The following SAMD12 variants were observed in gnomAD, a reference collection of about 807,000 sequenced individuals.
SAMD12 encodes the protein sterile alpha motif domain containing 12, also known as sterile alpha motif domain-containing protein 12.
A neutral mutation model predicts 15.0 loss-of-function variants in SAMD12; 9 were observed. The observed-to-expected ratio is 0.60, with a 90% CI of 0.36 to 1.05. The LOEUF is 1.05. SAMD12 is among the 50% of genes least tolerant of loss of function. The pLI, the probability that SAMD12 is intolerant of heterozygous loss-of-function variation, is 0.01. For missense variants in SAMD12, 230 were observed against 234.2 expected (o/e 0.98, Z 0.12); for synonymous variants, 86 against 90.1 (o/e 0.96, Z 0.25).
the SAMD12 span, among the ~76,000 whole-genome samples, chr8:118,151,179 T>C: frequency 6.6e-6 from 1 of 152,172 alleles, no homozygotes; most frequent in Non-Finnish European, 1.5e-5. Flanking sequence ...TATGAGTCTT[T>C]TTTTTCTCTA....
the SAMD12 span, among the ~76,000 whole-genome samples, chr8:118,160,329 A>G: frequency 6.6e-6 from 1 of 152,222 alleles, no homozygotes; most frequent in East Asian, 1.9e-4. Flanking sequence ...TATAGATTCA[A>G]TGCAATCCCA....
chr8:118,133,263 T>C, the SAMD12 span, among the ~76,000 whole-genome samples: 1 of 151,852 alleles, frequency 6.6e-6, no homozygotes, highest in South Asian at 2.1e-4. Flanking sequence ...ATATTTCCCC[T>C]TTCTCTTCTG....
chr8:118,463,632 A>G (rs909414804), intron 2 of SAMD12, among the ~76,000 whole-genome samples: 1 of 152,168 alleles, frequency 6.6e-6, no homozygotes, highest in African/African-American at 2.4e-5. Flanking sequence ...CCACGTTACA[A>G]AATGGGGCTA....
intron 4 of SAMD12, among the ~76,000 whole-genome samples, chr8:118,227,729 C>T (rs1812219010): frequency 6.6e-6 from 1 of 152,072 alleles, no homozygotes; most frequent in Admixed American, 6.6e-5. Flanking sequence ...TCCTATCTTC[C>T]CCATTCCCCA....
chr8:118,160,500 T>C, the SAMD12 span, among the ~76,000 whole-genome samples: 1 of 152,198 alleles, frequency 6.6e-6, no homozygotes, highest in East Asian at 1.9e-4. Flanking sequence ...GGGAAATAGA[T>C]CAATGATACA....
At chr8:118,302,621 A>C (rs1335505969) in intron 4 of SAMD12, among the ~76,000 whole-genome samples, 1 of 152,216 alleles carries the variant, frequency 6.6e-6, no homozygotes, top group African/African-American at 2.4e-5. Context: ...CAGTAACGTA[A>C]TTTAGCAATG....
At chr8:118,133,303 AT>A in the SAMD12 span, among the ~76,000 whole-genome samples, 1 of 151,834 alleles carries the variant, frequency 6.6e-6, no homozygotes, top group Non-Finnish European at 1.5e-5. Flanking sequence ...CTTATAGGGC[AT>A]TTTGATGTCC....
intron 4 of SAMD12, among the ~76,000 whole-genome samples, chr8:118,202,655 G>A (rs893635763): frequency 1.5e-4 from 23 of 152,132 alleles, no homozygotes; most frequent in Admixed American, 5.2e-4. Context: ...GCAGCCCCAC[G>A]TCTCATGGGC....
the SAMD12 span, among the ~76,000 whole-genome samples, chr8:118,145,002 TCACACACACAA>T: frequency 1.3e-5 from 2 of 152,200 alleles, no homozygotes; most frequent in Non-Finnish European, 2.9e-5. Context: ...GCTAGATATT[TCACACACACAA>T]TAATGTGGCA....
At chr8:118,529,299 C>A (rs761499994) in intron 2 of SAMD12, among the ~76,000 whole-genome samples, 9 of 152,182 alleles carry the variant, frequency 5.9e-5, no homozygotes, top group South Asian at 4.1e-4. Flanking sequence ...GGCTTTTTAT[C>A]CTGGCCAGCA....
At chr8:118,257,711 G>A (rs1405259090) in intron 4 of SAMD12, among the ~76,000 whole-genome samples, 2 of 151,992 alleles carry the variant, frequency 1.3e-5, no homozygotes, top group Non-Finnish European at 2.9e-5. Context: ...ATCAGTCTTA[G>A]CCTTCTTTCT....
chr8:118,383,444 C>T (rs1399259201), intron 3 of SAMD12, among the ~76,000 whole-genome samples: 2 of 152,116 alleles, frequency 1.3e-5, no homozygotes, highest in Admixed American at 6.5e-5. Context: ...TAGACAAAAC[C>T]TGATAGAGCA....
intron 2 of SAMD12, among the ~76,000 whole-genome samples, chr8:118,535,400 C>G (rs961576609): frequency 1.3e-5 from 2 of 152,212 alleles, no homozygotes; most frequent in Admixed American, 6.5e-5. Context: ...GGGTCAGGGA[C>G]CCACTTGAGG....
At position 118,327,288 on chromosome 8, in the gene SAMD12, T is replaced by C. The variant is rs866700317; in HGVS notation, c.433+52272A>G. 2.6e-5 allele frequency among the ~76,000 whole-genome samples: 4 copies of C among 152,324 alleles called. No homozygotes were observed. The Middle Eastern group carries it at 0.01, about 389-fold the overall frequency. ...TTCTTGCTTCTGAAAATCCAGAATG[T>C]GTTCTCCATCTCTGTAGCCCTTCAT... On this transcript the variant is annotated intron_variant, in intron 4 of 4. Transcript: ENST00000409003.
chr8:118,526,167 A>G (rs1271725073), intron 2 of SAMD12, among the ~76,000 whole-genome samples: 4 of 152,180 alleles, frequency 2.6e-5, no homozygotes, highest in Non-Finnish European at 4.4e-5. Flanking sequence ...TACATGGATT[A>G]CCTCATTTAA....
At chr8:118,334,440 T>C in intron 4 of SAMD12, among the ~76,000 whole-genome samples, 1 of 152,184 alleles carries the variant, frequency 6.6e-6, no homozygotes, top group Non-Finnish European at 1.5e-5. Flanking sequence ...AGGAGATTCA[T>C]CACAATTTCT....
intron 3 of SAMD12, among the ~76,000 whole-genome samples, chr8:118,398,118 T>C (rs536214088): frequency 6.6e-6 from 1 of 152,222 alleles, no homozygotes; most frequent in South Asian, 2.1e-4. Flanking sequence ...AATATGACTA[T>C]TGCCCAGGTG....
At chr8:118,558,246 G>A (rs182562571) in intron 2 of SAMD12, among the ~76,000 whole-genome samples, 1 of 152,150 alleles carries the variant, frequency 6.6e-6, no homozygotes. Context: ...TTCTAACTTT[G>A]CCCAATAAAT....
In SAMD12 at chr8:118,321,282, GTGTTTTTTTTT is replaced by G. The variant is rs1185368842; in HGVS notation, c.433+58267_433+58277del. ...AGAATCCCTTGCTAAGGGAAAAGAG[GTGTTTTTTTTT>G]TGTTTTTTTTTTTTTTGGTTTTTTT... is the stretch of plus-strand genomic sequence containing the variant. On this transcript the variant is annotated intron_variant, in intron 4 of 4. Coordinates refer to the SAMD12 transcript ENST00000409003. Among the ~76,000 whole-genome samples the G allele has an allele frequency of 6.8e-5, 9 of 132,384 alleles. No individual in the cohort carries two copies. In the East Asian group the frequency reaches 1.1e-3, roughly 16 times the overall value. The allele number at this position is 132,384 out of a possible 152,430, so 86.8% of individuals were successfully genotyped here.
Sources: allele counts gnomAD v4.1 joint callset (sites outside exome capture counted in the v4.1 genomes callset), GRCh38; gene constraint gnomAD v4.1.1; transcripts MANE v1.5; gene names NCBI Gene and HGNC (gene_info 2026-07-23, HGNC 2026-07-21).